Variants in CHRNA5 observed in about 807,000 individuals in gnomAD.
The protein encoded by CHRNA5 is neuronal acetylcholine receptor subunit alpha-5.
In CHRNA5, 28 loss-of-function variants were observed where a neutral mutation model predicts 41.2. The observed-to-expected ratio is 0.68, with a 90% CI of 0.50 to 0.93. The LOEUF is 0.93. Among genes scored for constraint, CHRNA5 ranks in the 40% least tolerant of loss-of-function variants. CHRNA5 has a pLI of 0.00. For synonymous variants in CHRNA5, 188 were observed against 205.8 expected, an observed-to-expected ratio of 0.91 and a Z score of 0.74; for missense variants, 481 against 581.9, an observed-to-expected ratio of 0.83 and a Z score of 1.78.
At chr15:78,591,472 T>G (rs2053014182) in intron 5 of CHRNA5, among the ~76,000 whole-genome samples, 1 of 152,132 alleles carries the variant, frequency 6.6e-6, no homozygotes, top group Non-Finnish European at 1.5e-5. Flanking sequence ...CTATTGTGTA[T>G]TATTTTAAAC....
At chr15:78,589,841 A>G (rs200976675) in exon 5 of CHRNA5, 11 of 1,607,858 alleles carry the variant, frequency 6.8e-6, no homozygotes, top group Admixed American at 1.7e-5. Flanking sequence ...GTACGAAAAC[A>G]GTCATCAGGT....
intron 1 of CHRNA5, among the ~76,000 whole-genome samples, chr15:78,574,498 G>A (rs959777468): frequency 6.6e-5 from 10 of 151,714 alleles, no homozygotes; most frequent in Admixed American, 5.9e-4. Flanking sequence ...GTAAGATAAT[G>A]TACTTTATTT....
intron 1 of CHRNA5, among the ~76,000 whole-genome samples, chr15:78,575,808 TTATC>T (rs1192976281): frequency 5.3e-5 from 8 of 152,228 alleles, no homozygotes; most frequent in Non-Finnish European, 7.4e-5. Flanking sequence ...GTTGAGTAAC[TTATC>T]TATCTTTTTG....
intron 1 of CHRNA5, among the ~76,000 whole-genome samples, chr15:78,573,707 T>G (rs185800262): frequency 1.3e-5 from 2 of 152,310 alleles, no homozygotes; most frequent in Admixed American, 1.3e-4. Flanking sequence ...TGGTTGACTT[T>G]TTTCCAAATC....
chr15:78,576,894 C>G (rs1269950661), intron 1 of CHRNA5, among the ~76,000 whole-genome samples: 1 of 151,874 alleles, frequency 6.6e-6, no homozygotes, highest in Non-Finnish European at 1.5e-5. Flanking sequence ...ATAGGATGAG[C>G]AAATATTAAC....
At chr15:78,572,576 C>T (rs1163262278) in intron 1 of CHRNA5, among the ~76,000 whole-genome samples, 1 of 151,964 alleles carries the variant, frequency 6.6e-6, no homozygotes, top group Non-Finnish European at 1.5e-5. Flanking sequence ...CTCTGCCTCC[C>T]GGGTTCAAGT....
At chr15:78,578,489 A>AGCCT (rs2052879517) in intron 1 of CHRNA5, among the ~76,000 whole-genome samples, 1 of 152,264 alleles carries the variant, frequency 6.6e-6, no homozygotes, top group African/African-American at 2.4e-5. Flanking sequence ...CCTGGGTGAC[A>AGCCT]GAGTGAGACT....
intron 1 of CHRNA5, among the ~76,000 whole-genome samples, chr15:78,570,743 T>C (rs917681783): frequency 1.4e-4 from 21 of 152,214 alleles, no homozygotes; most frequent in Non-Finnish European, 5.9e-5. Flanking sequence ...TTCATTTTTA[T>C]TTTACATTCA....
chr15:78,566,655 G>A (rs536728220), intron 1 of CHRNA5, among the ~76,000 whole-genome samples: 2 of 152,160 alleles, frequency 1.3e-5, no homozygotes, highest in African/African-American at 4.8e-5. Context: ...TTATGAGTGA[G>A]TTTCTTAAAT....
At chr15:78,565,878 G>C (rs2097552517) in intron 1 of CHRNA5, 53 bp downstream of exon 1, 2 of 1,101,836 alleles carry the variant, frequency 1.8e-6, no homozygotes, top group East Asian at 6.7e-5. Flanking sequence ...ACTCCACATC[G>C]CGGTGCCCAG....
At chr15:78,583,694 CAAA>C (rs397946301) in intron 2 of CHRNA5, among the ~76,000 whole-genome samples, 4 of 82,330 alleles carry the variant, frequency 4.9e-5, no homozygotes, top group Non-Finnish European at 5.1e-5. Context: ...GACTCTGTCT[CAAA>C]AAAAAAAAAA....
chr15:78,570,073 C>T (rs1022499774), intron 1 of CHRNA5, among the ~76,000 whole-genome samples: 8 of 151,986 alleles, frequency 5.3e-5, no homozygotes, highest in African/African-American at 1.5e-4. Flanking sequence ...CCGCCTGCCT[C>T]GGCCTCCCAA....
In CHRNA5 at chr15:78,593,067, T is replaced by C. The variant is rs1053394384; in HGVS notation, c.1246-25T>C. 2.5e-6 allele frequency: 4 copies of C among 1,595,352 alleles called. No homozygotes were observed. In the South Asian group the frequency reaches 4.6e-5, roughly 18 times the overall value. On this transcript the variant is annotated intron_variant, in intron 5 of 5. Transcript: ENST00000299565. Reference sequence around the variant, plus strand: ...ATGTACACAATTTACAATTATTTAATGCATTTTTATTTTTTTCCTAACAGG... The same window carrying C: ...ATGTACACAATTTACAATTATTTAACGCATTTTTATTTTTTTCCTAACAGG...
rs760430286 is a variant in CHRNA5 at position 78,580,960 on chromosome 15, G to T, written c.256G>T (p.Val86Leu). 5 of 1,611,972 alleles carry T rather than the reference G, an allele frequency of 3.1e-6. No homozygotes were observed. In the East Asian group the frequency reaches 1.1e-4, roughly 36 times the overall value. Residue 86 changes from valine to leucine, a missense_variant and splice_region_variant, in exon 2 of 6, where the codon GTG (valine) becomes TTG (leucine). By Grantham distance (32) the Val-to-Leu change is conservative. Coordinates refer to ENST00000299565, the Ensembl canonical transcript of CHRNA5. ...ACTTGCAATATCTCAATTGGTGGAT[G>T]TGGTAGGTGTGCATATCCTTCTATA...
intron 1 of CHRNA5, among the ~76,000 whole-genome samples, chr15:78,576,899 A>G (rs1209238384): frequency 6.6e-6 from 1 of 152,182 alleles, no homozygotes; most frequent in Non-Finnish European, 1.5e-5. Flanking sequence ...ATGAGCAAAT[A>G]TTAACTATTT....
At chr15:78,579,234 ATTAT>A (rs1205634380) in intron 1 of CHRNA5, among the ~76,000 whole-genome samples, 31 of 90,152 alleles carry the variant, frequency 3.4e-4, no homozygotes, top group Middle Eastern at 0.011. Context: ...TTATTTATTT[ATTAT>A]TTGTTTGTTT....
chr15:78,568,871 A>G (rs373861774), intron 1 of CHRNA5, among the ~76,000 whole-genome samples: 19 of 152,150 alleles, frequency 1.2e-4, no homozygotes, highest in African/African-American at 4.6e-4. Flanking sequence ...CTTAATTTTA[A>G]TTACTATATG....
exon 6 of CHRNA5, chr15:78,595,261 T>A (rs1455665374): frequency 1.0e-6 from 1 of 982,974 alleles, no homozygotes; most frequent in African/African-American, 1.7e-5. Flanking sequence ...ATATAAATTT[T>A]TATCGACATC....
chr15:78,570,443 TTTTTTTA>T (rs1247755232), intron 1 of CHRNA5, among the ~76,000 whole-genome samples: 43 of 142,308 alleles, frequency 3.0e-4, no homozygotes, highest in Admixed American at 7.9e-4. Flanking sequence ...TTTTTTTTTT[TTTTTTTA>T]GTAAAGACAG....
Sources: gnomAD v4.1 joint callset for allele counts (sites outside exome capture counted in the v4.1 genomes callset) on GRCh38, gnomAD v4.1.1 for gene constraint, MANE v1.5 for transcripts, NCBI Gene and HGNC (gene_info 2026-07-23, HGNC 2026-07-21) for gene names.